STK3: variants seen among roughly 807,000 people sequenced by gnomAD.
The protein encoded by STK3 is serine/threonine-protein kinase 3.
In STK3, 41 loss-of-function variants were observed where a neutral mutation model predicts 58.0. The observed-to-expected ratio is 0.71, with a 90% CI of 0.55 to 0.92. The LOEUF is 0.92. Ranked by LOEUF, STK3 falls within the 40% of genes least tolerant of loss-of-function variation. STK3 has a pLI of 0.00. For synonymous variants in STK3, 170 were observed against 191.0 expected (o/e 0.89, Z 0.91); for missense variants, 479 against 602.7 (o/e 0.79, Z 2.15).
intron 8 of STK3, among the ~76,000 whole-genome samples, chr8:98,572,963 T>G (rs556722000): frequency 3.9e-5 from 6 of 152,306 alleles, no homozygotes; most frequent in African/African-American, 1.4e-4. Context: ...GACATAATTT[T>G]TAAGTGCTCA....
chr8:98,476,843 C>G (rs1715261617), intron 10 of STK3, among the ~76,000 whole-genome samples: 1 of 152,178 alleles, frequency 6.6e-6, no homozygotes, highest in Non-Finnish European at 1.5e-5. Flanking sequence ...TACAACCATG[C>G]AAGGCTTAAT....
chr8:98,717,318 C>T (rs1827096025), intron 4 of STK3, among the ~76,000 whole-genome samples: 1 of 151,908 alleles, frequency 6.6e-6, no homozygotes, highest in Admixed American at 6.6e-5. Context: ...TAGAGAACTC[C>T]TAAAACTTAA....
intron 1 of STK3, among the ~76,000 whole-genome samples, chr8:98,798,760 T>C (rs1833337856): frequency 6.6e-6 from 1 of 152,194 alleles, no homozygotes; most frequent in Non-Finnish European, 1.5e-5. Context: ...TAGTGAGCTA[T>C]GATCATGCCA....
intron 10 of STK3, among the ~76,000 whole-genome samples, chr8:98,477,326 T>C (rs1214605449): frequency 6.6e-6 from 1 of 152,162 alleles, no homozygotes; most frequent in Non-Finnish European, 1.5e-5. Flanking sequence ...TTTTCTCCTG[T>C]TGATCTATCT....
At chr8:98,649,688 A>C (rs182203051) in intron 6 of STK3, among the ~76,000 whole-genome samples, 1 of 152,078 alleles carries the variant, frequency 6.6e-6, no homozygotes, top group African/African-American at 2.4e-5. Flanking sequence ...TTTCTCCATA[A>C]TTTTCTTAGT....
At chr8:98,561,387 C>A (rs1251666454) in intron 8 of STK3, among the ~76,000 whole-genome samples, 1 of 151,420 alleles carries the variant, frequency 6.6e-6, no homozygotes. Context: ...ATATAACATG[C>A]AAAACCATAA....
intron 4 of STK3, chr8:98,720,998 A>C: frequency 1.3e-6 from 1 of 747,090 alleles, no homozygotes; most frequent in Non-Finnish European, 1.6e-6. Context: ...ATTCAAATTT[A>C]AATTATTTTC....
chr8:98,477,704 G>GGGC (rs1554598784), intron 10 of STK3, among the ~76,000 whole-genome samples: 3 of 75,402 alleles, frequency 4.0e-5, no homozygotes, highest in Non-Finnish European at 5.6e-5. Flanking sequence ...ACACTTGGCG[G>GGGC]GGGGGGGGGG....
Position 98,898,132 on chromosome 8 carries a change from A to G in STK3, c.-78-14298T>C, listed in dbSNP as rs551035980. 4.6e-5 allele frequency among the ~76,000 whole-genome samples: 7 copies of G among 152,338 alleles called. No homozygotes were observed. In the East Asian group the frequency reaches 1.3e-3, roughly 29 times the overall value. On this transcript the variant is annotated intron_variant, in intron 1 of 1. Transcript: ENST00000519420. ...CTCAGATTACCAGGTTGCCTGTGGG[A>G]GTGGAGTTCATCCTCCATGTCCCTA...
At chr8:98,674,262 AC>A (rs1315065064) in intron 6 of STK3, among the ~76,000 whole-genome samples, 1 of 152,160 alleles carries the variant, frequency 6.6e-6, no homozygotes, top group East Asian at 1.9e-4. Context: ...TGTAAATTTA[AC>A]CCCACAAATT....
At chr8:98,916,442 C>T (rs571600658) in intron 1 of STK3, among the ~76,000 whole-genome samples, 6 of 152,206 alleles carry the variant, frequency 3.9e-5, no homozygotes, top group African/African-American at 1.4e-4. Flanking sequence ...AACAAACAAA[C>T]AAAAAACCAC....
At chr8:98,729,245 G>T (rs1828003388) in intron 4 of STK3, among the ~76,000 whole-genome samples, 1 of 152,152 alleles carries the variant, frequency 6.6e-6, no homozygotes, top group Admixed American at 6.5e-5. Context: ...CGGCAGCTAG[G>T]ATTACAGGCG....
intron 10 of STK3, among the ~76,000 whole-genome samples, chr8:98,458,777 TCAC>T (rs1370757053): frequency 6.6e-6 from 1 of 152,176 alleles, no homozygotes; most frequent in Non-Finnish European, 1.5e-5. Flanking sequence ...CTCTCCCCTC[TCAC>T]CACGTGAGAA....
At chr8:98,558,848 C>T (rs1811795652) in intron 8 of STK3, among the ~76,000 whole-genome samples, 1 of 151,824 alleles carries the variant, frequency 6.6e-6, no homozygotes, top group Non-Finnish European at 1.5e-5. Context: ...AGAAATATCA[C>T]CTACATAAAC....
intron 7 of STK3, among the ~76,000 whole-genome samples, chr8:98,592,527 G>T (rs1019819328): frequency 6.6e-6 from 1 of 151,652 alleles, no homozygotes; most frequent in Non-Finnish European, 1.5e-5. Context: ...TCAGTTTTTT[G>T]TGTGTTTTTG....
At chr8:98,843,199 T>C (rs1280894985) in intron 3 of STK3, among the ~76,000 whole-genome samples, 3 of 152,110 alleles carry the variant, frequency 2.0e-5, no homozygotes, top group Admixed American at 6.6e-5. Flanking sequence ...AGGTGACTTT[T>C]TGGAATACAT....
intron 1 of STK3, among the ~76,000 whole-genome samples, chr8:98,909,080 G>A (rs1461162891): frequency 6.6e-6 from 1 of 152,100 alleles, no homozygotes; most frequent in African/African-American, 2.4e-5. Context: ...AGAATTGCTT[G>A]AACCCAGGAA....
At chr8:98,471,520 T>C (rs1205509821) in intron 10 of STK3, among the ~76,000 whole-genome samples, 2 of 152,082 alleles carry the variant, frequency 1.3e-5, no homozygotes, top group Non-Finnish European at 2.9e-5. Context: ...TAGCCTTCAG[T>C]TGGGCAAAAT....
intron 3 of STK3, among the ~76,000 whole-genome samples, chr8:98,858,324 A>G (rs1219043136): frequency 5.1e-5 from 2 of 39,482 alleles, no homozygotes; most frequent in Non-Finnish European, 1.1e-4. Context: ...ATATATATAT[A>G]GAGAGAGAGA....
Sources: gnomAD v4.1 joint callset for allele counts (sites outside exome capture counted in the v4.1 genomes callset) on GRCh38, gnomAD v4.1.1 for gene constraint, MANE v1.5 for transcripts, NCBI Gene and HGNC (gene_info 2026-07-23, HGNC 2026-07-21) for gene names.